LOXHD1: variants seen among roughly 807,000 people sequenced by gnomAD.
LOXHD1 encodes lipoxygenase homology PLAT domains 1.
In LOXHD1, 205 loss-of-function variants were observed where a neutral mutation model predicts 248.2. The ratio of observed to expected loss-of-function variants is 0.83; its 90% CI spans 0.74 to 0.93. The LOEUF is 0.93. Among genes scored for constraint, LOXHD1 ranks in the 40% least tolerant of loss-of-function variants. The probability of loss-of-function intolerance (pLI) is 0.00; values close to 1 mark genes in which losing one functional copy is unlikely to be tolerated. For synonymous variants in LOXHD1, 1,113 were observed against 1,162.8 expected (o/e 0.96, Z 0.87); for missense variants, 2,930 against 2,971.6 (o/e 0.99, Z 0.33).
chr18:46,562,078 A>C (rs1235982534), intron 18 of LOXHD1, among the ~76,000 whole-genome samples: 1 of 152,248 alleles, frequency 6.6e-6, no homozygotes, highest in African/African-American at 2.4e-5. Flanking sequence ...CTGTGAAGCC[A>C]GCCGGGCAGG....
Position 46,477,425 on chromosome 18 carries a change from A to G in LOXHD1, c.*47T>C. ...GCTGACCGCCAAGGTGGAGGGCAGA[A>G]ATGTGAGATTGGGGCATCTCAGTGA... On this transcript the variant is annotated 3_prime_UTR_variant, in exon 41 of 41. Transcript: ENST00000642948. The G allele has an allele frequency of 6.5e-7, 1 of 1,533,828 alleles. No individual in the cohort carries two copies. Among genetic ancestry groups the G allele is most frequent in the Non-Finnish European group, 8.8e-7 (1 of 1,136,772 alleles).
At chr18:46,542,196 G>A (rs2036589738) in intron 24 of LOXHD1, among the ~76,000 whole-genome samples, 1 of 152,218 alleles carries the variant, frequency 6.6e-6, no homozygotes, top group Non-Finnish European at 1.5e-5. Flanking sequence ...TGACAGGAGA[G>A]TAGGGGGAGG....
intron 35 of LOXHD1, 70 bp downstream of exon 35, chr18:46,509,628 A>G: frequency 8.6e-7 from 1 of 1,164,256 alleles, no homozygotes; most frequent in Middle Eastern, 1.9e-4. Flanking sequence ...AGGTCCATTG[A>G]CAAGCCAGAG....
intron 17 of LOXHD1, among the ~76,000 whole-genome samples, chr18:46,564,093 A>T (rs372252529): frequency 1.1e-3 from 171 of 149,030 alleles, no homozygotes; most frequent in East Asian, 2.2e-3. Flanking sequence ...GGAGAGAGAG[A>T]GTGTGTGTGT....
At chr18:46,491,999 GC>G (rs2033517004) in intron 37 of LOXHD1, among the ~76,000 whole-genome samples, 1 of 152,198 alleles carries the variant, frequency 6.6e-6, no homozygotes, top group Admixed American at 6.5e-5. Context: ...CCTTCCATGA[GC>G]TTTGTGCCTG....
At chr18:46,639,097 C>T (rs1313739352) in intron 4 of LOXHD1, among the ~76,000 whole-genome samples, 1 of 152,160 alleles carries the variant, frequency 6.6e-6, no homozygotes, top group East Asian at 1.9e-4. Context: ...GAATTTAAGG[C>T]CTTTGCCCAG....
intron 39 of LOXHD1, 50 bp from the exon 40 acceptor site, chr18:46,483,795 A>T (rs1359044614): frequency 6.5e-7 from 1 of 1,532,182 alleles, no homozygotes; most frequent in Admixed American, 2.0e-5. Flanking sequence ...CCACTGAAGC[A>T]GGTAAGCATT....
At chr18:46,499,384 C>A (rs1041882716) in intron 37 of LOXHD1, among the ~76,000 whole-genome samples, 12 of 152,020 alleles carry the variant, frequency 7.9e-5, no homozygotes, top group African/African-American at 2.2e-4. Flanking sequence ...TTAGCTTGGG[C>A]AAAAGATGTA....
At chr18:46,646,283 T>C (rs1013785472) in intron 2 of LOXHD1, among the ~76,000 whole-genome samples, 2 of 152,188 alleles carry the variant, frequency 1.3e-5, no homozygotes, top group Non-Finnish European at 2.9e-5. Flanking sequence ...TAACTGCATC[T>C]AGACCTCACG....
In LOXHD1 at chr18:46,485,119, C is replaced by T. The variant is rs569121054; in HGVS notation, c.6082G>A (p.Gly2028Ser). Reference sequence around the variant, plus strand: ...AGCCAGACGTTCTCCCTGGTTTCGCCTCCGTTGCCCGTTTCTATGACGATC... The same window carrying T: ...AGCCAGACGTTCTCCCTGGTTTCGCTTCCGTTGCCCGTTTCTATGACGATC... ...YEIVIETGNGGETRENVWLIL... is the reference protein window; with the variant it reads ...YEIVIETGNGSETRENVWLIL... Residue 2028 changes from glycine to serine, a missense_variant, in exon 39 of 41, where the codon GGC becomes AGC. Transcript: ENST00000642948. The T allele has an allele frequency of 4.3e-5, 66 of 1,549,846 alleles. No individual in the cohort carries two copies. In the African/African-American group the frequency reaches 7.0e-4, roughly 17 times the overall value.
At chr18:46,484,960 T>TC in intron 39 of LOXHD1, 59 bp downstream of exon 39, 1 of 1,531,898 alleles carries the variant, frequency 6.5e-7, no homozygotes, top group Non-Finnish European at 8.8e-7. Flanking sequence ...AGGGAGATTC[T>TC]CGGGGTCCTC....
chr18:46,501,233 G>A (rs188147907), intron 37 of LOXHD1, among the ~76,000 whole-genome samples: 12 of 152,318 alleles, frequency 7.9e-5, no homozygotes, highest in Non-Finnish European at 1.5e-4. Context: ...CATATGCAGA[G>A]TGGCAAAAAA....
intron 31 of LOXHD1, among the ~76,000 whole-genome samples, chr18:46,522,923 G>C (rs2035649292): frequency 1.3e-5 from 2 of 152,064 alleles, no homozygotes; most frequent in African/African-American, 4.8e-5. Context: ...AGACATTGTT[G>C]GGTAGGTTTC....
chr18:46,560,559 AG>A lies in LOXHD1; in HGVS notation c.2599-15del. ...GGCCGCCTCAAGCTGTTCAAAGGGC[AG>A]GGCAGCGGCTGTCGTGGCCCCAGCG... On this transcript the variant is annotated splice_polypyrimidine_tract_variant and intron_variant, in intron 18 of 40. Coordinates refer to ENST00000642948, the MANE Select transcript of LOXHD1 (RefSeq NM_001384474.1). 3 of 1,514,560 alleles carry A rather than the reference AG, an allele frequency of 2.0e-6. No homozygotes were observed. The highest frequency in any genetic ancestry group is 2.6e-6 in the Non-Finnish European group (3 of 1,133,558). 93.8% of individuals were successfully genotyped at this position (1,514,560 alleles called of 1,614,324 possible).
At chr18:46,605,155 C>G (rs1366767305) in intron 6 of LOXHD1, among the ~76,000 whole-genome samples, 1 of 152,182 alleles carries the variant, frequency 6.6e-6, no homozygotes, top group African/African-American at 2.4e-5. Context: ...TCATGGTTGT[C>G]TCTATATAAG....
At chr18:46,529,103 C>T in intron 29 of LOXHD1, 74 bp downstream of exon 29, 1 of 1,528,670 alleles carries the variant, frequency 6.5e-7, no homozygotes, top group Non-Finnish European at 8.9e-7. Flanking sequence ...CCCCAGGAAC[C>T]AAGAAGAGCT....
chr18:46,519,292 T>C (rs1188789592), intron 33 of LOXHD1, among the ~76,000 whole-genome samples: 3 of 152,196 alleles, frequency 2.0e-5, no homozygotes, highest in Non-Finnish European at 4.4e-5. Context: ...CTCTGGAGGC[T>C]GCTACATTCC....
Position 46,560,064 on chromosome 18 carries a change from C to A in LOXHD1, c.3061+19G>T, listed in dbSNP as rs548571202. The A allele has an allele frequency of 3.4e-5, 50 of 1,449,902 alleles. 1 individual carries two copies. The highest frequency in any genetic ancestry group is 8.6e-5 in the Admixed American group (4 of 46,252). 89.8% of individuals were successfully genotyped at this position (1,449,902 alleles called of 1,614,324 possible). ...TCTGGCCACTCCCTCCCCACCCCCA[C>A]CCCCCACGACCCACTTACGCTCAGG... On this transcript the variant is annotated intron_variant, in intron 19 of 40. Coordinates refer to ENST00000642948, the MANE Select transcript of LOXHD1 (RefSeq NM_001384474.1).
In LOXHD1 at chr18:46,533,236, T is replaced by G; in HGVS notation, c.4301A>C (p.Asp1434Ala). 6.4e-7 allele frequency: 1 copy of G among 1,551,760 alleles called. No individual in the cohort carries two copies. The highest frequency in any genetic ancestry group is 8.7e-7 in the Non-Finnish European group (1 of 1,147,002). Residue 1434 changes from aspartate (D) to alanine (A), a missense_variant, in exon 28 of 41, where the codon GAC (aspartate) becomes GCC (alanine). Coordinates refer to ENST00000642948, the MANE Select transcript of LOXHD1 (RefSeq NM_001384474.1). Reference protein sequence around the residue: ...KKTIRELVPYDIFTEKYMKDG... With the variant: ...KKTIRELVPYAIFTEKYMKDG... ...TTTCATGTATTTCTCAGTGAAGATGTCATATGGAACCAGTTCTCGAATGGT... is the reference window on the plus strand; with the variant it reads ...TTTCATGTATTTCTCAGTGAAGATGGCATATGGAACCAGTTCTCGAATGGT...
Sources: allele counts gnomAD v4.1 joint callset (sites outside exome capture counted in the v4.1 genomes callset), GRCh38; gene constraint gnomAD v4.1.1; transcripts MANE v1.5; gene names NCBI Gene and HGNC (gene_info 2026-07-23, HGNC 2026-07-21).